ARID4A: variants seen among roughly 807,000 people sequenced by gnomAD.
ARID4A encodes the protein AT-rich interaction domain 4A, also known as AT-rich interactive domain-containing protein 4A.
Under a neutral mutation model 148.6 loss-of-function variants are expected in ARID4A, and 39 were observed. That is an observed-to-expected ratio of 0.26 (90% CI 0.20 to 0.34). The LOEUF (loss-of-function observed/expected upper bound fraction) is 0.34. ARID4A is among the 10% of genes least tolerant of loss of function. The pLI is 1.00. For missense variants in ARID4A, 1,265 were observed against 1,449.1 expected (o/e 0.87, Z 2.06); for synonymous variants, 475 against 481.2 (o/e 0.99, Z 0.17).
At chr14:58,354,932 TG>T (rs2034807768) in intron 17 of ARID4A, among the ~76,000 whole-genome samples, 1 of 152,236 alleles carries the variant, frequency 6.6e-6, no homozygotes. Context: ...GATTAGGACA[TG>T]GTCTTGTTTC....
chr14:58,311,254 AT>A (rs1359462724), intron 5 of ARID4A, among the ~76,000 whole-genome samples: 5 of 152,180 alleles, frequency 3.3e-5, no homozygotes, highest in Non-Finnish European at 5.9e-5. Flanking sequence ...CTAAAAAAAA[AT>A]AAATGAAAAT....
intron 5 of ARID4A, among the ~76,000 whole-genome samples, 175 bp from the exon 6 acceptor site, chr14:58,318,367 C>T (rs1485661934): frequency 6.6e-6 from 1 of 152,062 alleles, no homozygotes; most frequent in Non-Finnish European, 1.5e-5. Flanking sequence ...TTTTTGGTAT[C>T]TGTAGAATGA....
chr14:58,310,586 GAC>G (rs1169667351), intron 5 of ARID4A, among the ~76,000 whole-genome samples: 3 of 152,130 alleles, frequency 2.0e-5, no homozygotes, highest in Non-Finnish European at 2.9e-5. Context: ...AATGGAAGTA[GAC>G]CCTCATCTCA....
At chr14:58,298,934 G>A (rs2030823761) in intron 1 of ARID4A, among the ~76,000 whole-genome samples, 1 of 152,182 alleles carries the variant, frequency 6.6e-6, no homozygotes, top group African/African-American at 2.4e-5. Flanking sequence ...GGGTTCCCGG[G>A]AAAATGGCTG....
At chr14:58,319,491 C>G (rs946606408) in intron 7 of ARID4A, among the ~76,000 whole-genome samples, 1 of 138,270 alleles carries the variant, frequency 7.2e-6, no homozygotes, top group Non-Finnish European at 1.5e-5. Flanking sequence ...GAATAATACA[C>G]GAATATCTGT....
At chr14:58,358,384 T>C (rs2034986234) in intron 17 of ARID4A, among the ~76,000 whole-genome samples, 2 of 152,108 alleles carry the variant, frequency 1.3e-5, no homozygotes, top group African/African-American at 2.4e-5. Context: ...TGAGAATCAC[T>C]TGAACCCAGG....
At chr14:58,369,614 CAAAAAA>C (rs34289804) in intron 23 of ARID4A, among the ~76,000 whole-genome samples, 1 of 106,930 alleles carries the variant, frequency 9.4e-6, no homozygotes, top group Non-Finnish European at 1.8e-5. Flanking sequence ...GAGTCTGTCT[CAAAAAA>C]AAAAAAAAAA....
chr14:58,311,153 G>A (rs942631066), intron 5 of ARID4A, among the ~76,000 whole-genome samples: 5 of 152,246 alleles, frequency 3.3e-5, no homozygotes, highest in African/African-American at 4.8e-5. Flanking sequence ...GGCTGAGGCA[G>A]GAGAAATGCT....
intron 8 of ARID4A, among the ~76,000 whole-genome samples, chr14:58,324,378 C>T (rs893272371): frequency 9.2e-5 from 14 of 152,294 alleles, no homozygotes; most frequent in South Asian, 4.1e-4. Flanking sequence ...TGGGCTCAGG[C>T]GTTCCTCCTG....
chr14:58,301,603 G>A lies in ARID4A; in HGVS notation c.30G>A (p.Leu10=). 1 of 1,614,054 alleles carries A rather than the reference G, an allele frequency of 6.2e-7. No homozygotes were observed. The highest frequency in any genetic ancestry group is 8.5e-7 in the Non-Finnish European group (1 of 1,179,964). MKAADEPAY[L]TVGTDVSAKY... ...AGGCGGCAGATGAGCCTGCCTACCT[G>A]ACAGTGGGAACCGATGTCAGTGCCA... Residue 10 remains leucine, a synonymous_variant, in exon 3 of 24, where the codon CTG becomes CTA. Transcript: ENST00000355431.
chr14:58,345,313 A>T (rs1223011376), intron 12 of ARID4A, among the ~76,000 whole-genome samples: 6 of 152,248 alleles, frequency 3.9e-5, no homozygotes, highest in Non-Finnish European at 8.8e-5. Context: ...TTTCCCTGTC[A>T]CTTACAAAGC....
chr14:58,333,081 G>A (rs1230245474), intron 11 of ARID4A, among the ~76,000 whole-genome samples: 1 of 152,034 alleles, frequency 6.6e-6, no homozygotes, highest in Non-Finnish European at 1.5e-5. Context: ...CTAAGTATTG[G>A]TAGTTCAGGA....
chr14:58,318,794 T>A lies in ARID4A; in HGVS notation c.438T>A (p.Ser146=). 6.2e-7 allele frequency: 1 copy of A among 1,611,940 alleles called. No individual in the cohort carries two copies. Among genetic ancestry groups the A allele is most frequent in the Non-Finnish European group, 8.5e-7 (1 of 1,178,100 alleles). Residue 146 remains serine, a synonymous_variant, in exon 7 of 24, where the codon TCT becomes TCA. Transcript: ENST00000355431. ...IAKKTNRGRR[S]SLPVTEDEKE... ...AGAAGACGAACAGAGGAAGGAGATC[T>A]TCTCTTCCTGTGTGAGTTTTTTCAT... is the stretch of plus-strand genomic sequence containing the variant.
chr14:58,363,869 A>G (rs1330282035), intron 19 of ARID4A, among the ~76,000 whole-genome samples: 1 of 152,112 alleles, frequency 6.6e-6, no homozygotes, highest in African/African-American at 2.4e-5. Flanking sequence ...TAATCTTTTG[A>G]TCTTTTTTAA....
intron 5 of ARID4A, among the ~76,000 whole-genome samples, chr14:58,309,809 A>T (rs560295941): frequency 1.9e-4 from 29 of 152,164 alleles, no homozygotes; most frequent in Admixed American, 1.6e-3. Context: ...GATTCAGATT[A>T]TTTTGTACCT....
intron 11 of ARID4A, among the ~76,000 whole-genome samples, chr14:58,335,982 A>T (rs1319498477): frequency 2.7e-5 from 4 of 150,482 alleles, no homozygotes; most frequent in Non-Finnish European, 5.9e-5. Context: ...GCCCTCCTCC[A>T]ATCTGTTCTC....
At chr14:58,350,742 AAAT>A (rs2034600655) in intron 15 of ARID4A, among the ~76,000 whole-genome samples, 1 of 152,188 alleles carries the variant, frequency 6.6e-6, no homozygotes, top group Non-Finnish European at 1.5e-5. Flanking sequence ...TATAGTCGAG[AAAT>A]AATAAAAGTG....
At chr14:58,332,734 TATTAC>T (rs1201914684) in intron 11 of ARID4A, among the ~76,000 whole-genome samples, 1 of 152,170 alleles carries the variant, frequency 6.6e-6, no homozygotes, top group Non-Finnish European at 1.5e-5. Context: ...TACGCTGTTT[TATTAC>T]ATTACAGATC....
At position 58,342,396 on chromosome 14, in the gene ARID4A, C is replaced by G. The variant is rs376663794; in HGVS notation, c.907-2299C>G. 3.3e-5 allele frequency among the ~76,000 whole-genome samples: 5 copies of G among 151,988 alleles called. 1 individual carries two copies. Among genetic ancestry groups the G allele is most frequent in the Non-Finnish European group, 1.5e-5 (1 of 67,986 alleles). On this transcript the variant is annotated intron_variant, in intron 11 of 23. Coordinates refer to ENST00000355431, the MANE Select transcript of ARID4A (RefSeq NM_002892.4). Reference sequence around the variant, plus strand: ...TGAAACCTAAAGCACTCTTGGTTACCCACTAACTTTTAAAAAAAATACACA... The same window carrying G: ...TGAAACCTAAAGCACTCTTGGTTACGCACTAACTTTTAAAAAAAATACACA...
Sources: allele counts gnomAD v4.1 joint callset (sites outside exome capture counted in the v4.1 genomes callset), GRCh38; gene constraint gnomAD v4.1.1; transcripts MANE v1.5; gene names NCBI Gene and HGNC (gene_info 2026-07-23, HGNC 2026-07-21).